AP4S1: variants seen among roughly 807,000 people sequenced by gnomAD.
AP4S1 encodes adaptor related protein complex 4 subunit sigma 1, also known as AP-4 complex subunit sigma-1.
AP4S1 carries 23 observed loss-of-function variants against 19.8 expected under a neutral mutation model. That is an observed-to-expected ratio of 1.16 (90% CI 0.84 to 1.65). The LOEUF (loss-of-function observed/expected upper bound fraction) is 1.65, where lower values mean the gene tolerates loss of function less well. Ranked by LOEUF, AP4S1 falls within the 40% of genes most tolerant of loss-of-function variation. The pLI is 0.00. For missense variants in AP4S1, 166 were observed against 172.8 expected (o/e 0.96, Z 0.22); for synonymous variants, 46 against 54.1 (o/e 0.85, Z 0.66).
intron 3 of AP4S1, 37 bp downstream of exon 3, chr14:31,069,966 T>C (rs1315850809): frequency 1.3e-6 from 2 of 1,512,908 alleles, no homozygotes; most frequent in African/African-American, 2.7e-5. Context: ...AATGCAAGAA[T>C]TTCTTTCTAC....
chr14:31,034,780 G>T (rs1405812455), intron 1 of AP4S1, among the ~76,000 whole-genome samples: 1 of 150,554 alleles, frequency 6.6e-6, no homozygotes, highest in African/African-American at 2.4e-5. Flanking sequence ...ACCACGACCA[G>T]CTAAATTTTT....
intron 1 of AP4S1, among the ~76,000 whole-genome samples, chr14:31,055,196 C>T (rs1886040662): frequency 6.6e-6 from 1 of 151,876 alleles, no homozygotes; most frequent in Non-Finnish European, 1.5e-5. Flanking sequence ...CTTTCTCTCA[C>T]AGTCACAGCT....
intron 2 of AP4S1, 42 bp downstream of exon 2, chr14:31,066,376 G>C: frequency 6.2e-7 from 1 of 1,612,800 alleles, no homozygotes; most frequent in Non-Finnish European, 8.5e-7. Context: ...ATTCAACTCA[G>C]CCTTGGCAGA....
chr14:31,088,817 A>G (rs1423405231), intron 5 of AP4S1, among the ~76,000 whole-genome samples: 1 of 149,456 alleles, frequency 6.7e-6, no homozygotes, highest in African/African-American at 2.5e-5. Context: ...CAAAAAAAAA[A>G]AAAAAAAAAA....
chr14:31,089,770 C>T (rs562687680), intron 5 of AP4S1, among the ~76,000 whole-genome samples: 53 of 151,938 alleles, frequency 3.5e-4, no homozygotes, highest in Non-Finnish European at 6.6e-4. Context: ...TACAAAAAAA[C>T]TAGCTGGGTG....
chr14:31,029,859 AAAG>A (rs1289607673), intron 1 of AP4S1, among the ~76,000 whole-genome samples: 1 of 152,164 alleles, frequency 6.6e-6, no homozygotes, highest in Non-Finnish European at 1.5e-5. Flanking sequence ...CAAAAAAAAA[AAAG>A]AAAATACTCA....
intron 1 of AP4S1, among the ~76,000 whole-genome samples, chr14:31,065,011 G>A (rs1438749528): frequency 6.6e-6 from 1 of 152,088 alleles, no homozygotes; most frequent in Non-Finnish European, 1.5e-5. Flanking sequence ...GAATTGCTCA[G>A]CACAGCACCT....
At chr14:31,091,824 T>A (rs1436059953) in intron 5 of AP4S1, among the ~76,000 whole-genome samples, 1 of 152,228 alleles carries the variant, frequency 6.6e-6, no homozygotes, top group Non-Finnish European at 1.5e-5. Flanking sequence ...TGAATGAAGT[T>A]TATTTGAAAC....
At chr14:31,083,241 C>A (rs913118790) in intron 5 of AP4S1, among the ~76,000 whole-genome samples, 5 of 152,146 alleles carry the variant, frequency 3.3e-5, no homozygotes, top group African/African-American at 9.7e-5. Flanking sequence ...ATTTTCCCTT[C>A]ATTTTACCTG....
chr14:31,073,294 T>A (rs182897584), intron 4 of AP4S1: 2 of 295,034 alleles, frequency 6.8e-6, no homozygotes, highest in South Asian at 6.6e-5. Flanking sequence ...ATGGAGACCA[T>A]CCTGGCTAAT....
chr14:31,044,638 G>A (rs1001810818), intron 1 of AP4S1, among the ~76,000 whole-genome samples: 1 of 151,154 alleles, frequency 6.6e-6, no homozygotes, highest in African/African-American at 2.4e-5. Context: ...CTAGAACCAC[G>A]AACCTGGACC....
chr14:31,050,834 A>G (rs1885748002), intron 1 of AP4S1, among the ~76,000 whole-genome samples: 1 of 152,170 alleles, frequency 6.6e-6, no homozygotes, highest in South Asian at 2.1e-4. Flanking sequence ...TGTTGCATTT[A>G]GTCATCTTAT....
At chr14:31,049,428 A>AAAAAT (rs1384450221) in intron 1 of AP4S1, among the ~76,000 whole-genome samples, 5 of 57,746 alleles carry the variant, frequency 8.7e-5, no homozygotes, top group Admixed American at 2.8e-4. Flanking sequence ...AAAAAAAAAA[A>AAAAAT]ATATATATAT....
chr14:31,089,046 G>C (rs1410896052), intron 5 of AP4S1, among the ~76,000 whole-genome samples: 1 of 151,576 alleles, frequency 6.6e-6, no homozygotes, highest in African/African-American at 2.4e-5. Context: ...TGTGGTCACA[G>C]TTAATTGGGA....
intron 5 of AP4S1, among the ~76,000 whole-genome samples, chr14:31,083,042 G>A (rs1004316362): frequency 2.0e-5 from 3 of 152,284 alleles, no homozygotes; most frequent in East Asian, 1.9e-4. Context: ...GAGAGTTAAC[G>A]TGAATCAGAG....
chr14:31,089,201 A>G (rs534650124), intron 5 of AP4S1, among the ~76,000 whole-genome samples: 2 of 151,734 alleles, frequency 1.3e-5, no homozygotes, highest in South Asian at 2.1e-4. Flanking sequence ...AGACTATACT[A>G]TACTACAAGA....
chr14:31,083,218 G>A (rs954551518), intron 5 of AP4S1, among the ~76,000 whole-genome samples: 15 of 152,068 alleles, frequency 9.9e-5, no homozygotes, highest in African/African-American at 7.2e-5. Context: ...AAAATTTTAC[G>A]TCAAGATACA....
chr14:31,072,821 C>G, intron 3 of AP4S1, 84 bp from the exon 4 acceptor site: 1 of 1,151,060 alleles, frequency 8.7e-7, no homozygotes, highest in Non-Finnish European at 1.3e-6. Context: ...GCTCTAAAAC[C>G]TGGACACTGA....
In AP4S1 at chr14:31,073,326, T is replaced by C. The variant is rs532267883; in HGVS notation, c.294+353T>C. The C allele has an allele frequency of 2.7e-4, 56 of 208,778 alleles. 2 individuals carry two copies. Among genetic ancestry groups the C allele is most frequent in the Non-Finnish European group, 5.1e-4 (52 of 102,498 alleles). 12.9% of individuals were successfully genotyped at this position (208,778 alleles called of 1,614,324 possible). A position where few individuals can be genotyped will look rare whatever the true frequency, so the allele number is the denominator to read the frequency against. On this transcript the variant is annotated intron_variant, in intron 4 of 5. Transcript: ENST00000542754. Reference sequence around the variant, plus strand: ...TAATACGGTGAAACCCCGTCTCTACTAAAAATACAAAAAATTAGCTGGGCG... The same window carrying C: ...TAATACGGTGAAACCCCGTCTCTACCAAAAATACAAAAAATTAGCTGGGCG...
Sources: allele counts gnomAD v4.1 joint callset (sites outside exome capture counted in the v4.1 genomes callset), GRCh38; gene constraint gnomAD v4.1.1; transcripts MANE v1.5; gene names NCBI Gene and HGNC (gene_info 2026-07-23, HGNC 2026-07-21).